ODAD3: variants seen among roughly 807,000 people sequenced by gnomAD.
ODAD3 encodes outer dynein arm docking complex subunit 3.
In ODAD3, 57 loss-of-function variants were observed where a neutral mutation model predicts 70.9. That is an observed-to-expected ratio of 0.80 (90% CI 0.65 to 1.00). The LOEUF is 1.00. ODAD3 is among the 50% of genes least tolerant of loss of function. The probability of loss-of-function intolerance (pLI) is 0.00; values close to 1 mark genes in which losing one functional copy is unlikely to be tolerated. For missense variants in ODAD3, 797 were observed against 763.9 expected, an observed-to-expected ratio of 1.04 and a Z score of -0.51; for synonymous variants, 327 against 315.9, an observed-to-expected ratio of 1.04 and a Z score of -0.37.
intron 7 of ODAD3, among the ~76,000 whole-genome samples, chr19:11,425,289 A>G (rs966709130): frequency 4.3e-5 from 6 of 140,960 alleles, no homozygotes; most frequent in South Asian, 2.2e-4. Context: ...ATATGTACAT[A>G]TGTGTATATA....
chr19:11,426,162 G>T lies in ODAD3; in HGVS notation c.945C>A (p.Asn315Lys). ...CGCCCACCTTGCGCTCCATGCGCTC[G>T]TTCTCCAGTTTCTTCTCCTCGGCGC... ...KKRAEEKKLE[N>K]ERMERKTHRE... Residue 315 changes from asparagine (N) to lysine (K), a missense_variant, in exon 7 of 13, where the codon AAC becomes AAA. Coordinates refer to ENST00000356392, the MANE Select transcript of ODAD3 (RefSeq NM_145045.5). The T allele has an allele frequency of 6.2e-7, 1 of 1,611,370 alleles. No individual in the cohort carries two copies. The highest frequency in any genetic ancestry group is 8.5e-7 in the Non-Finnish European group (1 of 1,179,456).
rs923863471 is a variant in ODAD3 at position 11,422,411 on chromosome 19, G to A, written c.1434+60C>T. ...GCTGGTGTGGCAGGAACCCCGCTTC[G>A]TGGCTGCGCCTCTGCGGTCCCAGGA... On this transcript the variant is annotated intron_variant, in intron 10 of 12. Coordinates refer to ENST00000356392, the MANE Select transcript of ODAD3 (RefSeq NM_145045.5). The surrounding 1 kb of genome is among the most constrained non-coding windows in gnomAD (Gnocchi z 4.6). The A allele has an allele frequency of 4.8e-5, 70 of 1,464,766 alleles. 1 individual carries two copies. The South Asian group carries it at 8.6e-4, about 18-fold the overall frequency. The allele number at this position is 1,464,766 out of a possible 1,614,324, so 90.7% of individuals were successfully genotyped here.
chr19:11,430,369 T>C (rs1969477110), intron 3 of ODAD3, among the ~76,000 whole-genome samples: 1 of 151,866 alleles, frequency 6.6e-6, no homozygotes, highest in Non-Finnish European at 1.5e-5. Context: ...AACTCCCGAC[T>C]TCAGGTCATC....
rs200595917 is a variant in ODAD3 at position 11,426,258 on chromosome 19, C to A, written c.849G>T (p.Leu283=). 7.1e-5 allele frequency: 114 copies of A among 1,613,928 alleles called. No homozygotes were observed. The highest frequency in any genetic ancestry group is 9.2e-5 in the Non-Finnish European group (109 of 1,179,936). Residue 283 remains leucine (L), a synonymous_variant, in exon 7 of 13, where the codon CTG becomes CTT. Coordinates refer to ENST00000356392, the MANE Select transcript of ODAD3 (RefSeq NM_145045.5). The part of the protein sequence containing the change: ...LNARDIAKNQ[L]QYLEETLVRE... Reference sequence around the variant, plus strand: ...GAACCAAGGTCTCCTCTAGGTACTGCAGCTGGTTCTGGAGGGCGGGCAGGG... The same window carrying A: ...GAACCAAGGTCTCCTCTAGGTACTGAAGCTGGTTCTGGAGGGCGGGCAGGG...
rs1410186279 is a variant in ODAD3, at chr19:11,425,477, ATG to A, written c.963+665_963+666del. 8.6e-3 allele frequency among the ~76,000 whole-genome samples: 1,214 copies of A among 140,356 alleles called. 49 individuals carry two copies. The highest frequency in any genetic ancestry group is 0.031 in the African/African-American group (1,099 of 35,850). 92.1% of individuals were successfully genotyped at this position (140,356 alleles called of 152,430 possible). On this transcript the variant is annotated intron_variant, in intron 7 of 12. Coordinates refer to ENST00000356392, the MANE Select transcript of ODAD3 (RefSeq NM_145045.5). ...TATATGTGTGTGTATATATGTATATATGTGTGTATATATGTATATATGTATAT... is the reference window on the plus strand; with the variant it reads ...TATATGTGTGTGTATATATGTATATATGTGTATATATGTATATATGTATAT...
intron 3 of ODAD3, among the ~76,000 whole-genome samples, chr19:11,430,005 CGTTT>C (rs1478473953): frequency 6.6e-6 from 1 of 151,450 alleles, no homozygotes; most frequent in Admixed American, 6.6e-5. Context: ...TCATTGTTTT[CGTTT>C]GTTTGTTTTG....
At position 11,422,865 on chromosome 19, in the gene ODAD3, C is replaced by T; in HGVS notation, c.1117-4G>A. The T allele has an allele frequency of 1.9e-6, 3 of 1,601,420 alleles. No homozygotes were observed. Among genetic ancestry groups the T allele is most frequent in the Non-Finnish European group, 2.5e-6 (3 of 1,179,438 alleles). On this transcript the variant is annotated splice_polypyrimidine_tract_variant and splice_region_variant and intron_variant, in intron 8 of 12. Transcript: ENST00000356392. The surrounding 1 kb of genome is among the most constrained non-coding windows in gnomAD (Gnocchi z 4.6). The stretch of plus-strand genomic sequence containing the variant: ...CCAGGAACCGCCGCACCAACGACTG[C>T]GGGCCACCCAGCCCCAGTCAGAGCC...
Position 11,426,712 on chromosome 19 carries a change from C to G in ODAD3, c.685G>C (p.Val229Leu). The change falls in exon 5 of 13, where the codon GTG becomes CTG. Residue 229 changes from valine (V) to leucine (L), a missense_variant. Transcript: ENST00000356392. ...AGATAGGCCTTGAGCTGCAGGTACA[C>G]GCTGGTAATGTGCTCGGCCTCCTGC... ...KAQEAEHITS[V>L]YLQLKAYLMD... is the part of the protein sequence containing the mutation. The G allele has an allele frequency of 1.2e-6, 2 of 1,613,898 alleles. 1 individual carries two copies. Among genetic ancestry groups the G allele is most frequent in the South Asian group, 2.2e-5 (2 of 91,058 alleles).
At chr19:11,423,411 C>G (rs1230902135) in intron 8 of ODAD3, among the ~76,000 whole-genome samples, 1 of 151,954 alleles carries the variant, frequency 6.6e-6, no homozygotes, top group Non-Finnish European at 1.5e-5. Flanking sequence ...AACCAGGACC[C>G]AAGGGGGACA....
At chr19:11,428,983 T>G (rs1272428268) in intron 3 of ODAD3, among the ~76,000 whole-genome samples, 5 of 151,994 alleles carry the variant, frequency 3.3e-5, no homozygotes, top group Non-Finnish European at 7.4e-5. Context: ...GTTCAAGGGA[T>G]TCTCCTGCGT....
chr19:11,428,818 G>A (rs972350409), intron 3 of ODAD3, among the ~76,000 whole-genome samples: 1 of 152,012 alleles, frequency 6.6e-6, no homozygotes, highest in Non-Finnish European at 1.5e-5. Context: ...CAAAGTGCTG[G>A]TATTACAAGG....
Position 11,435,090 on chromosome 19 carries a change from T to C in ODAD3, c.-74A>G. The C allele has an allele frequency of 6.6e-7, 1 of 1,520,038 alleles. No homozygotes were observed. The highest frequency in any genetic ancestry group is 1.2e-5 in the South Asian group (1 of 81,824). 94.2% of individuals were successfully genotyped at this position (1,520,038 alleles called of 1,614,324 possible). A position where few individuals can be genotyped will look rare whatever the true frequency, so the allele number is the denominator to read the frequency against. ...GTCAGTCGCCCCTGTCAGGGATCCG[T>C]CAGCTCGGATTCCTAGGGCTCTGAA... On this transcript the variant is annotated 5_prime_UTR_variant, in exon 1 of 13. Transcript: ENST00000356392.
chr19:11,425,273 GTGTGTATATGTACATATGTGTATATA>G (rs1347575977), intron 7 of ODAD3, among the ~76,000 whole-genome samples: 5 of 124,162 alleles, frequency 4.0e-5, no homozygotes, highest in Non-Finnish European at 7.7e-5. Flanking sequence ...ATGTGTATAT[GTGTGTATATGTACATATGTGTATATA>G]TGTGTATGTG....
At position 11,421,667 on chromosome 19, in the gene ODAD3, T is replaced by C. The variant is rs779597814; in HGVS notation, c.1590+10A>G. On this transcript the variant is annotated intron_variant, in intron 11 of 12. Transcript: ENST00000356392. ...GATCTCTGGAGCTCTGCCCCATGGC[T>C]GCAGGGCACCTCGCGGTTAGCGATG... 18 of 1,610,268 alleles carry C rather than the reference T, an allele frequency of 1.1e-5. No individual in the cohort carries two copies. The South Asian group carries it at 2.0e-4, about 18-fold the overall frequency.
chr19:11,424,991 A>C lies in ODAD3; in HGVS notation c.964-962T>G, dbSNP rs188889184. On this transcript the variant is annotated intron_variant, in intron 7 of 12. Transcript: ENST00000356392. ...TATATGTATATATGTGTATATGTAC[A>C]TATGTGTATATGTATATATGTGTAT... Among the ~76,000 whole-genome samples, 175 of 131,380 alleles carry C rather than the reference A, an allele frequency of 1.3e-3. 11 individuals are homozygous for C. The highest frequency in any genetic ancestry group is 3.7e-3 in the East Asian group (16 of 4,288). 86.2% of individuals were successfully genotyped at this position (131,380 alleles called of 152,430 possible).
Position 11,432,345 on chromosome 19 carries a change from C to A in ODAD3, c.245-1325G>T, listed in dbSNP as rs528508620. On this transcript the variant is annotated intron_variant, in intron 1 of 12. Coordinates refer to ENST00000356392, the MANE Select transcript of ODAD3 (RefSeq NM_145045.5). Reference sequence around the variant, plus strand: ...CTCACTGAAGCCTCAACCTCCTGAGCTCAAGCAGTCCTCCTGCCTCAGCCT... The same window carrying A: ...CTCACTGAAGCCTCAACCTCCTGAGATCAAGCAGTCCTCCTGCCTCAGCCT... Among the ~76,000 whole-genome samples, 3 of 152,258 alleles carry A rather than the reference C, an allele frequency of 2.0e-5. No homozygotes were observed. The South Asian group carries it at 6.2e-4, about 32-fold the overall frequency.
rs898449462 is a variant in ODAD3 at position 11,425,455 on chromosome 19, A to G, written c.963+689T>C. 3.4e-3 allele frequency among the ~76,000 whole-genome samples: 457 copies of G among 135,338 alleles called. 13 individuals are homozygous for G. Among genetic ancestry groups the G allele is most frequent in the African/African-American group, 0.013 (407 of 31,804 alleles). The allele number at this position is 135,338 out of a possible 152,430, so 88.8% of individuals were successfully genotyped here. A position where few individuals can be genotyped will look rare whatever the true frequency, so the allele number is the denominator to read the frequency against. ...TATGTGTATATGTATATATACATAT[A>G]TGTGTGTGTATATATGTATATATGT... On this transcript the variant is annotated intron_variant, in intron 7 of 12. Transcript: ENST00000356392.
chr19:11,427,277 A>AT (rs1969401911), intron 3 of ODAD3, among the ~76,000 whole-genome samples: 1 of 150,474 alleles, frequency 6.6e-6, no homozygotes, highest in African/African-American at 2.4e-5. Flanking sequence ...CTAAAAAAAT[A>AT]TTTTTAAATT....
At chr19:11,427,567 C>A (rs1969411514) in intron 3 of ODAD3, among the ~76,000 whole-genome samples, 1 of 151,218 alleles carries the variant, frequency 6.6e-6, no homozygotes, top group African/African-American at 2.4e-5. Flanking sequence ...CTGCAACTTC[C>A]ATCTCCTAGG....
Sources: gnomAD v4.1 joint callset for allele counts (sites outside exome capture counted in the v4.1 genomes callset) on GRCh38, gnomAD v4.1.1 for gene constraint, Gnocchi (gnomAD v3.1) non-coding constraint, MANE v1.5 for transcripts, NCBI Gene and HGNC (gene_info 2026-07-23, HGNC 2026-07-21) for gene names.